The following NRXN3 variants were observed in gnomAD, a reference collection of about 807,000 sequenced individuals.
The protein encoded by NRXN3 is neurexin 3, also known as neurexin III.
Under a neutral mutation model 137.6 loss-of-function variants are expected in NRXN3, and 32 were observed. That is an observed-to-expected ratio of 0.23 (90% confidence interval 0.18 to 0.31). The LOEUF (loss-of-function observed/expected upper bound fraction) is 0.31, where lower values mean the gene tolerates loss of function less well. Among genes scored for constraint, NRXN3 ranks in the 10% least tolerant of loss-of-function variants. The pLI is 1.00. For synonymous variants in NRXN3, 798 were observed against 784.5 expected (o/e 1.02, Z -0.29); for missense variants, 1,574 against 2,062.5 (o/e 0.76, Z 4.59).
intron 15 of NRXN3, among the ~76,000 whole-genome samples, chr14:79,432,769 A>T (rs1342454954): frequency 6.6e-6 from 1 of 152,190 alleles, no homozygotes; most frequent in African/African-American, 2.4e-5. Context: ...TTCTGTCATG[A>T]TTTTGAATGT....
intron 8 of NRXN3, among the ~76,000 whole-genome samples, chr14:78,772,471 C>T (rs2098731508): frequency 6.6e-6 from 1 of 152,134 alleles, no homozygotes; most frequent in African/African-American, 2.4e-5. Context: ...ATAAATAAAT[C>T]ATTCATGACT....
chr14:79,370,386 T>A (rs909281761), intron 15 of NRXN3, among the ~76,000 whole-genome samples: 5 of 151,004 alleles, frequency 3.3e-5, no homozygotes, highest in Admixed American at 1.3e-4. Flanking sequence ...TGGCGCCATC[T>A]TGGCTCACTG....
intron 15 of NRXN3, among the ~76,000 whole-genome samples, chr14:79,406,789 A>G (rs1194626086): frequency 6.6e-6 from 1 of 152,178 alleles, no homozygotes; most frequent in Non-Finnish European, 1.5e-5. Flanking sequence ...CAAAGTCAGC[A>G]TGCGTCGTGA....
intron 14 of NRXN3, among the ~76,000 whole-genome samples, chr14:78,983,211 A>G (rs767951120): frequency 1.5e-4 from 23 of 152,348 alleles, no homozygotes; most frequent in Non-Finnish European, 2.5e-4. Context: ...GTAAATTAAT[A>G]TAACCATTAT....
chr14:79,250,194 A>T (rs1353236068), intron 15 of NRXN3, among the ~76,000 whole-genome samples: 1 of 152,206 alleles, frequency 6.6e-6, no homozygotes, highest in Non-Finnish European at 1.5e-5. Context: ...ATCTTAGCAA[A>T]AAGTCAGAAC....
chr14:79,435,877 T>C lies in NRXN3; in HGVS notation c.3263-31344T>C, dbSNP rs991903711. ...TCAAACTCTCGGACTGAAGGGATCC[T>C]CACACCTCGGCCTCCCAAAGTGCTA... is the stretch of plus-strand genomic sequence containing the variant. On this transcript the variant is annotated intron_variant, in intron 15 of 20. Transcript: ENST00000335750. Among the ~76,000 whole-genome samples, 22 of 152,014 alleles carry C rather than the reference T, an allele frequency of 1.4e-4. 1 individual carries two copies. Among genetic ancestry groups the C allele is most frequent in the Admixed American group, 1.3e-3 (20 of 15,242 alleles).
chr14:79,117,609 C>A (rs1652839745), intron 15 of NRXN3, among the ~76,000 whole-genome samples: 1 of 152,054 alleles, frequency 6.6e-6, no homozygotes, highest in Admixed American at 6.6e-5. Context: ...TTTAAGGCAG[C>A]ACAGACAAGT....
intron 18 of NRXN3, among the ~76,000 whole-genome samples, chr14:79,695,682 G>C (rs2098733048): frequency 6.7e-6 from 1 of 150,314 alleles, no homozygotes; most frequent in Admixed American, 6.6e-5. Flanking sequence ...ACAGTAAAGA[G>C]GTATGAACTC....
chr14:78,934,956 G>GTAATAA (rs34363893), intron 10 of NRXN3, among the ~76,000 whole-genome samples: 44 of 149,932 alleles, frequency 2.9e-4, no homozygotes, highest in East Asian at 8.0e-4. Context: ...AACTTAAAGT[G>GTAATAA]TAATAATAAT....
intron 4 of NRXN3, chr14:78,526,708 A>G (rs2096385218): frequency 1.1e-4 from 59 of 513,720 alleles, no homozygotes; most frequent in South Asian, 7.6e-4. Context: ...TTCGTGCATT[A>G]TTATCTTTGT....
At chr14:78,241,399 A>G (rs1235319535) in intron 1 of NRXN3, among the ~76,000 whole-genome samples, 1 of 152,014 alleles carries the variant, frequency 6.6e-6, no homozygotes, top group Non-Finnish European at 1.5e-5. Context: ...GGAGGCCTAG[A>G]TGGGGAGATC....
At chr14:78,744,641 T>C (rs2098598901) in intron 8 of NRXN3, 1 of 152,232 alleles carries the variant, frequency 6.6e-6, no homozygotes, top group South Asian at 2.1e-4. Flanking sequence ...TGTAATTAAT[T>C]AGTGGCGAAG....
intron 4 of NRXN3, among the ~76,000 whole-genome samples, chr14:78,316,631 C>A (rs2078740389): frequency 6.6e-6 from 1 of 152,126 alleles, no homozygotes; most frequent in Admixed American, 6.6e-5. Context: ...TTCTTCCCAG[C>A]AGAGAATGAT....
intron 16 of NRXN3, among the ~76,000 whole-genome samples, chr14:79,481,596 A>T (rs969849905): frequency 6.6e-6 from 1 of 152,218 alleles, no homozygotes; most frequent in Non-Finnish European, 1.5e-5. Context: ...AAAATGCAGT[A>T]TTGTAATTTT....
At chr14:78,621,205 A>G (rs1465040689) in intron 4 of NRXN3, among the ~76,000 whole-genome samples, 1 of 152,142 alleles carries the variant, frequency 6.6e-6, no homozygotes, top group African/African-American at 2.4e-5. Context: ...ATGAATGCAA[A>G]GCATTCATTT....
In NRXN3 at chr14:79,548,107, A is replaced by G. The variant is rs146988089; in HGVS notation, c.3444+80705A>G. Among the ~76,000 whole-genome samples the G allele has an allele frequency of 2.7e-3, 405 of 152,114 alleles. 2 individuals carry two copies. The highest frequency in any genetic ancestry group is 9.4e-3 in the African/African-American group (391 of 41,504). On this transcript the variant is annotated intron_variant, in intron 16 of 20. Coordinates refer to ENST00000335750, the MANE Select transcript of NRXN3 (RefSeq NM_001330195.2). ...GAAGGTGCAGGTTTGTTACATAGGT[A>G]TACATATGCCATGGTGGTTTGCTGC...
rs1410636244 is a variant in NRXN3, at chr14:78,876,103, C to T, written c.2275+65759C>T. Among the ~76,000 whole-genome samples the T allele has an allele frequency of 2.0e-5, 3 of 152,160 alleles. No homozygotes were observed. The East Asian group carries it at 5.8e-4, about 29-fold the overall frequency. ...AGAATAATGAGTTATTTCTGCAGGG[C>T]TAATTCTGACCTGAATCATATTAAA... is the stretch of plus-strand genomic sequence containing the variant. On this transcript the variant is annotated intron_variant, in intron 10 of 20. Transcript: ENST00000335750.
At position 79,355,266 on chromosome 14, in the gene NRXN3, TTCCCTCCTTCCTCTG is replaced by T. The variant is rs560011888; in HGVS notation, c.3263-111947_3263-111933del. Among the ~76,000 whole-genome samples the T allele has an allele frequency of 2.8e-3, 414 of 146,480 alleles. 3 individuals carry two copies. The highest frequency in any genetic ancestry group is 0.01 in the African/African-American group (392 of 37,836). On this transcript the variant is annotated intron_variant, in intron 15 of 20. Coordinates refer to ENST00000335750, the MANE Select transcript of NRXN3 (RefSeq NM_001330195.2). ...GCTTTTCTGTCCCCCACCCCCTTCC[TTCCCTCCTTCCTCTG>T]TCCCTCCAACTCTTCTTCACATCTC...
chr14:79,196,678 T>C (rs1419334995), intron 15 of NRXN3, among the ~76,000 whole-genome samples: 1 of 152,148 alleles, frequency 6.6e-6, no homozygotes, highest in East Asian at 1.9e-4. Flanking sequence ...TTTTTCCTTT[T>C]CAGTGTGTTT....
Sources: allele counts gnomAD v4.1 joint callset (sites outside exome capture counted in the v4.1 genomes callset), GRCh38; gene constraint gnomAD v4.1.1; transcripts MANE v1.5; gene names NCBI Gene and HGNC (gene_info 2026-07-23, HGNC 2026-07-21).